Variants in RBFOX3 observed in about 807,000 individuals in gnomAD.
RBFOX3 encodes RNA binding fox-1 homolog 3.
RBFOX3 carries 17 observed loss-of-function variants against 48.7 expected under a neutral mutation model. That is an observed-to-expected ratio of 0.35 (90% CI 0.24 to 0.52). The LOEUF (loss-of-function observed/expected upper bound fraction) is 0.52. Ranked by LOEUF, RBFOX3 falls within the 20% of genes least tolerant of loss-of-function variation. The pLI is 0.94. For synonymous variants in RBFOX3, 212 were observed against 209.5 expected, an observed-to-expected ratio of 1.01 and a Z score of -0.10; for missense variants, 382 against 497.5, an observed-to-expected ratio of 0.77 and a Z score of 2.21.
At chr17:79,186,201 A>G (rs1274246647) in intron 4 of RBFOX3, among the ~76,000 whole-genome samples, 1 of 152,222 alleles carries the variant, frequency 6.6e-6, no homozygotes, top group Non-Finnish European at 1.5e-5. Context: ...TGCCTCCATC[A>G]GGCGGCTCAT....
chr17:79,360,064 G>C (rs2086011556), intron 2 of RBFOX3, among the ~76,000 whole-genome samples: 1 of 151,682 alleles, frequency 6.6e-6, no homozygotes, highest in South Asian at 2.1e-4. Flanking sequence ...TTTCATGTTG[G>C]TATTCAGTGT....
At position 79,195,260 on chromosome 17, in the gene RBFOX3, G is replaced by C. The variant is rs1357885586; in HGVS notation, c.-34+40506C>G. Reference sequence around the variant, plus strand: ...AAAATACAAAAAATAAGCCGGACATGGTGGTGGCTCTCGTGCGTACAGTCC... The same window carrying C: ...AAAATACAAAAAATAAGCCGGACATCGTGGTGGCTCTCGTGCGTACAGTCC... On this transcript the variant is annotated intron_variant, in intron 4 of 14. Transcript: ENST00000693108. The surrounding 1 kb of genome is among the most constrained non-coding windows in gnomAD (Gnocchi z 5.3). Among the ~76,000 whole-genome samples the C allele has an allele frequency of 1.3e-5, 2 of 152,136 alleles. No individual in the cohort carries two copies. Among genetic ancestry groups the C allele is most frequent in the African/African-American group, 4.8e-5 (2 of 41,436 alleles).
intron 2 of RBFOX3, among the ~76,000 whole-genome samples, chr17:79,341,693 G>T (rs1283215943): frequency 2.0e-5 from 3 of 151,964 alleles, no homozygotes; most frequent in African/African-American, 7.2e-5. Flanking sequence ...TGTGCATGGG[G>T]GACAGAGCCA....
At chr17:79,093,365 C>A (rs67434893) in intron 14 of RBFOX3, among the ~76,000 whole-genome samples, 57,762 of 150,942 alleles carry the variant, frequency 0.38, 11,896 homozygotes, top group African/African-American at 0.54. Context: ...CTTAAAAATA[C>A]AAAGTGAAAA....
At chr17:79,131,276 G>A (rs1263832697) in intron 4 of RBFOX3, among the ~76,000 whole-genome samples, 1 of 151,706 alleles carries the variant, frequency 6.6e-6, no homozygotes, top group East Asian at 1.9e-4. Context: ...GTCTCCATGT[G>A]CCCTCCGTGT....
At chr17:79,484,314 A>G (rs1291593895) in intron 1 of RBFOX3, among the ~76,000 whole-genome samples, 2 of 152,238 alleles carry the variant, frequency 1.3e-5, no homozygotes, top group African/African-American at 2.4e-5. Context: ...ACCCCGGAGC[A>G]ATGCCTGGGG....
chr17:79,149,061 G>A lies in RBFOX3; in HGVS notation c.-33-33313C>T, dbSNP rs148906665. Among the ~76,000 whole-genome samples the A allele has an allele frequency of 5.0e-3, 757 of 152,330 alleles. 5 individuals are homozygous for A. The highest frequency in any genetic ancestry group is 0.017 in the African/African-American group (716 of 41,564). ...CACTCAGCCTGCAGCTCCCACCACT[G>A]ACGAACAGCGCACTCTAAAGCTTAA... On this transcript the variant is annotated intron_variant, in intron 4 of 14. Transcript: ENST00000693108.
chr17:79,557,540 A>G (rs2091874629), intron 1 of RBFOX3, among the ~76,000 whole-genome samples: 1 of 152,208 alleles, frequency 6.6e-6, no homozygotes, highest in African/African-American at 2.4e-5. Context: ...GTGGGGGGAA[A>G]GGGGGGAAGA....
intron 3 of RBFOX3, among the ~76,000 whole-genome samples, chr17:79,270,223 C>A (rs927257593): frequency 6.6e-6 from 1 of 152,226 alleles, no homozygotes; most frequent in Non-Finnish European, 1.5e-5. Flanking sequence ...CCAGGGCCCC[C>A]GCCATGGTTT....
At position 79,095,504 on chromosome 17, in the gene RBFOX3, C is replaced by A. The variant is rs79080598; in HGVS notation, c.998+9G>T. 1,521 of 1,550,510 alleles carry A rather than the reference C, an allele frequency of 9.8e-4. 15 individuals carry two copies. The African/African-American group carries it at 0.019, about 19-fold the overall frequency. ...CCTGCTCCAGAACAGTGCTGGCCCC[C>A]GGCCTCACCTGTCGCTGTAGGCTGC... On this transcript the variant is annotated intron_variant, in intron 13 of 14. Transcript: ENST00000693108.
intron 1 of RBFOX3, among the ~76,000 whole-genome samples, chr17:79,581,030 G>A (rs1226000000): frequency 1.3e-5 from 2 of 152,154 alleles, no homozygotes; most frequent in South Asian, 2.1e-4. Context: ...GGCAGATCAC[G>A]AGGTCAGGAG....
chr17:79,339,167 G>A (rs983705199), intron 2 of RBFOX3, among the ~76,000 whole-genome samples: 1 of 151,628 alleles, frequency 6.6e-6, no homozygotes. Flanking sequence ...CAATCCTCCC[G>A]CCTCAGCCTC....
intron 3 of RBFOX3, among the ~76,000 whole-genome samples, chr17:79,241,149 A>G (rs1397354850): frequency 1.3e-5 from 2 of 151,026 alleles, no homozygotes; most frequent in Non-Finnish European, 2.9e-5. Flanking sequence ...TTATCTATCT[A>G]GCTATCTATC....
chr17:79,476,170 A>G (rs755535006), intron 2 of RBFOX3, among the ~76,000 whole-genome samples: 6 of 152,160 alleles, frequency 3.9e-5, no homozygotes, highest in Non-Finnish European at 8.8e-5. Flanking sequence ...TTCCCGCTCC[A>G]GCGCTGGAAC....
chr17:79,549,025 G>T (rs4073995), intron 1 of RBFOX3, among the ~76,000 whole-genome samples: 124,897 of 152,190 alleles, frequency 0.82, 53,481 homozygotes, highest in Non-Finnish European at 0.94. Flanking sequence ...GTGGTCACTA[G>T]TTTGCAGATG....
intron 4 of RBFOX3, among the ~76,000 whole-genome samples, chr17:79,194,087 AT>A (rs1022888610): frequency 2.0e-5 from 3 of 152,156 alleles, no homozygotes; most frequent in African/African-American, 7.2e-5. Flanking sequence ...TTGGAAAAAA[AT>A]TTTGGTAAAA....
At chr17:79,385,661 T>C (rs1304468549) in intron 2 of RBFOX3, among the ~76,000 whole-genome samples, 1 of 152,176 alleles carries the variant, frequency 6.6e-6, no homozygotes, top group African/African-American at 2.4e-5. Flanking sequence ...TCACCCCCGT[T>C]ACAGACAGGG....
At position 79,578,883 on chromosome 17, in the gene RBFOX3, A is replaced by G. The variant is rs950149381; in HGVS notation, c.-320+31943T>C. On this transcript the variant is annotated intron_variant, in intron 1 of 14. Coordinates refer to ENST00000693108, the MANE Select transcript of RBFOX3 (RefSeq NM_001350451.2). ...GGCTGACCTCAGGGCTCGCTCCATC[A>G]CCGCATGACCCCAGTGGCACAACTG... Among the ~76,000 whole-genome samples, 343 of 152,156 alleles carry G rather than the reference A, an allele frequency of 2.3e-3. 1 individual carries two copies. Among genetic ancestry groups the G allele is most frequent in the African/African-American group, 7.4e-3 (309 of 41,510 alleles).
chr17:79,457,537 G>A (rs1555745821), intron 2 of RBFOX3, among the ~76,000 whole-genome samples: 2 of 152,212 alleles, frequency 1.3e-5, no homozygotes, highest in African/African-American at 4.8e-5. Context: ...CTGAAGCCCA[G>A]GGCCAGCAGC....
Sources: allele counts gnomAD v4.1 joint callset (sites outside exome capture counted in the v4.1 genomes callset), GRCh38; gene constraint gnomAD v4.1.1; non-coding constraint Gnocchi (gnomAD v3.1); transcripts MANE v1.5; gene names NCBI Gene and HGNC (gene_info 2026-07-23, HGNC 2026-07-21).